The following ZNF385C variants were observed in gnomAD, a reference collection of about 807,000 sequenced individuals.
ZNF385C encodes CTD-2132N18.2.
ZNF385C carries 28 observed loss-of-function variants against 35.4 expected under a neutral mutation model. The ratio of observed to expected loss-of-function variants is 0.79; its 90% CI spans 0.59 to 1.08. ZNF385C has a LOEUF of 1.08. Ranked by LOEUF, ZNF385C falls within the 50% of genes least tolerant of loss-of-function variation. ZNF385C has a pLI of 0.00. For missense variants in ZNF385C, 605 were observed against 595.6 expected, an observed-to-expected ratio of 1.02 and a Z score of -0.16; for synonymous variants, 248 against 248.2, an observed-to-expected ratio of 1.00 and a Z score of 0.01.
chr17:42,046,934 C>T (rs2053174099), intron 2 of ZNF385C, among the ~76,000 whole-genome samples: 1 of 151,418 alleles, frequency 6.6e-6, no homozygotes. Flanking sequence ...GCGATCTCAG[C>T]TCACTGCAAT....
chr17:42,039,747 C>G, intron 2 of ZNF385C: 2 of 1,232,468 alleles, frequency 1.6e-6, no homozygotes, highest in Non-Finnish European at 2.0e-6. Flanking sequence ...CCCACCCACT[C>G]TCTAAGAACT....
At chr17:42,048,376 CA>C (rs34771406) in intron 2 of ZNF385C, among the ~76,000 whole-genome samples, 96,053 of 124,894 alleles carry the variant, frequency 0.77, 36,433 homozygotes, top group Admixed American at 0.84. Context: ...CTGTCTTTAC[CA>C]AAAAAAAAAA....
At chr17:42,090,960 G>A (rs1184267296) in intron 1 of ZNF385C, among the ~76,000 whole-genome samples, 1 of 152,180 alleles carries the variant, frequency 6.6e-6, no homozygotes. Context: ...AGGCTAGCAA[G>A]TATAACACAT....
Position 42,037,617 on chromosome 17 carries a change from G to A in ZNF385C, c.399+120C>T, listed in dbSNP as rs1226604322. The A allele has an allele frequency of 7.2e-6, 9 of 1,244,162 alleles. No homozygotes were observed. The East Asian group carries it at 2.3e-4, about 31-fold the overall frequency. 77.1% of individuals were successfully genotyped at this position (1,244,162 alleles called of 1,614,324 possible). A position where few individuals can be genotyped will look rare whatever the true frequency, so the allele number is the denominator to read the frequency against. On this transcript the variant is annotated intron_variant, in intron 3 of 8. Coordinates refer to ENST00000692273, the MANE Select transcript of ZNF385C (RefSeq NM_001392013.1). ...TGGGGAGCACCTATCCCCTCTGGGGGATGTTGGAGAAAAAGCTCCTGGTTA... is the reference window on the plus strand; with the variant it reads ...TGGGGAGCACCTATCCCCTCTGGGGAATGTTGGAGAAAAAGCTCCTGGTTA...
At chr17:42,064,878 TA>T (rs2053525460) in intron 1 of ZNF385C, among the ~76,000 whole-genome samples, 1 of 151,776 alleles carries the variant, frequency 6.6e-6, no homozygotes, top group African/African-American at 2.4e-5. Context: ...GACAGAGTCT[TA>T]CTCTATCACC....
At chr17:42,048,305 G>A (rs2143732067) in intron 2 of ZNF385C, among the ~76,000 whole-genome samples, 1 of 151,364 alleles carries the variant, frequency 6.6e-6, no homozygotes, top group East Asian at 1.9e-4. Flanking sequence ...TTGGGAGGCT[G>A]AGGTGGGAGG....
chr17:42,089,949 T>C (rs560629060), intron 1 of ZNF385C, among the ~76,000 whole-genome samples: 1 of 152,376 alleles, frequency 6.6e-6, no homozygotes, highest in East Asian at 1.9e-4. Flanking sequence ...TCAGGGTTAG[T>C]ATGTTTTGGT....
chr17:42,041,566 A>G (rs1555656133), intron 2 of ZNF385C, among the ~76,000 whole-genome samples: 1 of 152,204 alleles, frequency 6.6e-6, no homozygotes, highest in Non-Finnish European at 1.5e-5. Context: ...TATGAATCAT[A>G]AAGAGCTCTA....
rs1325665666 is a variant in ZNF385C at position 42,031,624 on chromosome 17, C to T, written c.671G>A (p.Ser224Asn). Reference protein sequence around the residue: ...LASGAPGEPQSKVPAAPPLGP... With the variant: ...LASGAPGEPQNKVPAAPPLGP... ...GAGAAGAGCTCAGGACTGACCTTTA[C>T]TCTGTGGCTCTCCAGGGGCTCCACT... is the stretch of plus-strand genomic sequence containing the variant. Residue 224 changes from serine to asparagine, a missense_variant, in exon 5 of 9, where the codon AGT (serine) becomes AAT (asparagine). Coordinates refer to ENST00000692273, the MANE Select transcript of ZNF385C (RefSeq NM_001392013.1). The T allele has an allele frequency of 1.3e-6, 2 of 1,550,396 alleles. No homozygotes were observed. The highest frequency in any genetic ancestry group is 2.7e-5 in the African/African-American group (2 of 73,050).
chr17:42,061,082 A>G (rs2143834261), intron 2 of ZNF385C, among the ~76,000 whole-genome samples: 1 of 152,262 alleles, frequency 6.6e-6, no homozygotes, highest in East Asian at 1.9e-4. Flanking sequence ...ACTCATCTGC[A>G]TATGTATTTA....
At chr17:42,038,102 G>A in intron 2 of ZNF385C, 1 of 1,526,906 alleles carries the variant, frequency 6.5e-7, no homozygotes, top group Non-Finnish European at 8.8e-7. Flanking sequence ...CACAGTTGAG[G>A]CTCCCAGCCC....
At chr17:42,061,518 G>C (rs184033074) in intron 2 of ZNF385C, 1 of 152,344 alleles carries the variant, frequency 6.6e-6, no homozygotes, top group African/African-American at 2.4e-5. Flanking sequence ...ACCATGCCCA[G>C]CCAATGAGTG....
chr17:42,082,329 C>T (rs551706300), intron 1 of ZNF385C, among the ~76,000 whole-genome samples: 3 of 152,248 alleles, frequency 2.0e-5, no homozygotes, highest in Admixed American at 1.3e-4. Flanking sequence ...TGAGCCACCA[C>T]GCCCGACCTC....
intron 1 of ZNF385C, chr17:42,065,383 G>A (rs2053532796): frequency 6.6e-6 from 1 of 152,246 alleles, no homozygotes; most frequent in Non-Finnish European, 1.5e-5. Context: ...TCTCCCCAGA[G>A]GGCATTTCCT....
At chr17:42,040,668 G>C in intron 2 of ZNF385C, 2 of 1,232,290 alleles carry the variant, frequency 1.6e-6, no homozygotes, top group Non-Finnish European at 2.0e-6. Context: ...GCAGCAGGGA[G>C]GCCCAGGGCA....
At chr17:42,079,084 C>T (rs904021550) in intron 1 of ZNF385C, among the ~76,000 whole-genome samples, 6 of 151,064 alleles carry the variant, frequency 4.0e-5, no homozygotes, top group African/African-American at 1.5e-4. Flanking sequence ...TGGCTCATGC[C>T]TGTAATCTCG....
intron 1 of ZNF385C, among the ~76,000 whole-genome samples, chr17:42,089,083 C>T (rs2053839174): frequency 6.6e-6 from 1 of 152,180 alleles, no homozygotes; most frequent in Non-Finnish European, 1.5e-5. Flanking sequence ...CCCTCCCAGT[C>T]CCATCTTCAC....
In ZNF385C at chr17:42,040,164, G is replaced by C. The variant is rs78101836; in HGVS notation, c.251-2279C>G. 552 of 1,231,584 alleles carry C rather than the reference G, an allele frequency of 4.5e-4. 4 individuals carry two copies. The East Asian group carries it at 0.016, about 36-fold the overall frequency. The allele number at this position is 1,231,584 out of a possible 1,614,324, so 76.3% of individuals were successfully genotyped here. On this transcript the variant is annotated intron_variant, in intron 2 of 8. Coordinates refer to ENST00000692273, the MANE Select transcript of ZNF385C (RefSeq NM_001392013.1). Reference sequence around the variant, plus strand: ...CCTCCGGCGCCTGCGGGTAGCGTCGGGGGTCGAAGATCGCTGCGAAGGCGG... The same window carrying C: ...CCTCCGGCGCCTGCGGGTAGCGTCGCGGGTCGAAGATCGCTGCGAAGGCGG...
chr17:42,075,186 C>T (rs944523514), intron 1 of ZNF385C, among the ~76,000 whole-genome samples: 3 of 152,134 alleles, frequency 2.0e-5, no homozygotes, highest in Non-Finnish European at 4.4e-5. Flanking sequence ...CTGACATGGT[C>T]ACCTCCTCCA....
Sources: gnomAD v4.1 joint callset for allele counts (sites outside exome capture counted in the v4.1 genomes callset) on GRCh38, gnomAD v4.1.1 for gene constraint, MANE v1.5 for transcripts, NCBI Gene and HGNC (gene_info 2026-07-23, HGNC 2026-07-21) for gene names.